PGGT1B: variants seen among roughly 807,000 people sequenced by gnomAD.
PGGT1B encodes the protein protein geranylgeranyltransferase type I subunit beta.
PGGT1B carries 30 observed loss-of-function variants against 46.1 expected under a neutral mutation model. The ratio of observed to expected loss-of-function variants is 0.65; its 90% CI spans 0.49 to 0.88. The LOEUF (loss-of-function observed/expected upper bound fraction) is 0.88, where lower values mean the gene tolerates loss of function less well. Among genes scored for constraint, PGGT1B ranks in the 40% least tolerant of loss-of-function variants. The pLI is 0.00. For missense variants in PGGT1B, 376 were observed against 455.9 expected, an observed-to-expected ratio of 0.82 and a Z score of 1.60; for synonymous variants, 170 against 160.0, an observed-to-expected ratio of 1.06 and a Z score of -0.47.
At chr5:115,230,813 T>C (rs1042528304) in intron 6 of PGGT1B, among the ~76,000 whole-genome samples, 163 bp downstream of exon 6, 13 of 151,998 alleles carry the variant, frequency 8.6e-5, no homozygotes, top group Admixed American at 7.9e-4. Flanking sequence ...AGGCTTCAAA[T>C]AGACAAAATG....
chr5:115,256,645 G>A (rs951990263), intron 1 of PGGT1B, among the ~76,000 whole-genome samples: 2 of 152,168 alleles, frequency 1.3e-5, no homozygotes, highest in Non-Finnish European at 2.9e-5. Flanking sequence ...CTTTAAAATA[G>A]TCTGGGAAAC....
Position 115,206,734 on chromosome 5 carries a change from T to C in PGGT1B, c.*5668A>G, listed in dbSNP as rs1756077428. The C allele has an allele frequency of 6.6e-6, 1 of 151,990 alleles. No individual in the cohort carries two copies. The highest frequency in any genetic ancestry group is 6.6e-5 in the Admixed American group (1 of 15,240). 9.4% of individuals were successfully genotyped at this position (151,990 alleles called of 1,614,324 possible). A position where few individuals can be genotyped will look rare whatever the true frequency, so the allele number is the denominator to read the frequency against. The stretch of plus-strand genomic sequence containing the variant: ...AAATGTATCATTGCCTATTTGCATG[T>C]TTCTTTATGCTAAATCTATAGATAG... On this transcript the variant is annotated 3_prime_UTR_variant, in exon 9 of 9. Coordinates refer to ENST00000419445, the MANE Select transcript of PGGT1B (RefSeq NM_005023.4).
intron 4 of PGGT1B, among the ~76,000 whole-genome samples, chr5:115,237,618 C>G (rs951624639): frequency 1.3e-5 from 2 of 151,986 alleles, no homozygotes; most frequent in Non-Finnish European, 1.5e-5. Context: ...TATTTATGTA[C>G]CCATTGTTAT....
rs796413907 is a variant in PGGT1B, at chr5:115,207,572, T to A, written c.*4830A>T. 8 of 152,150 alleles carry A rather than the reference T, an allele frequency of 5.3e-5. No homozygotes were observed. The highest frequency in any genetic ancestry group is 1.9e-4 in the African/African-American group (8 of 41,546). 9.4% of individuals were successfully genotyped at this position (152,150 alleles called of 1,614,324 possible). ...ACATAGATGCTGTCTGTTTTGAACT[T>A]CACCGAAATGGAATCAAAGTATGCA... is the stretch of plus-strand genomic sequence containing the variant. On this transcript the variant is annotated 3_prime_UTR_variant, in exon 9 of 9. Coordinates refer to ENST00000419445, the MANE Select transcript of PGGT1B (RefSeq NM_005023.4).
chr5:115,209,311 C>G lies in PGGT1B; in HGVS notation c.*3091G>C, dbSNP rs992476350. The G allele has an allele frequency of 1.3e-5, 2 of 152,192 alleles. No individual in the cohort carries two copies. The highest frequency in any genetic ancestry group is 2.9e-5 in the Non-Finnish European group (2 of 67,998). The allele number at this position is 152,192 out of a possible 1,614,324, so 9.4% of individuals were successfully genotyped here. On this transcript the variant is annotated 3_prime_UTR_variant, in exon 9 of 9. Coordinates refer to ENST00000419445, the MANE Select transcript of PGGT1B (RefSeq NM_005023.4). Reference sequence around the variant, plus strand: ...AGAGGTACACAGCGTAAAACCCAGACAGCTCTAATGCAATCAGCAGACCTT... The same window carrying G: ...AGAGGTACACAGCGTAAAACCCAGAGAGCTCTAATGCAATCAGCAGACCTT...
chr5:115,241,380 T>C (rs1026350248), intron 3 of PGGT1B, among the ~76,000 whole-genome samples, 159 bp downstream of exon 3: 2 of 152,142 alleles, frequency 1.3e-5, no homozygotes, highest in Admixed American at 6.5e-5. Flanking sequence ...TAGGTTTCCT[T>C]TAAAGGATTT....
intron 2 of PGGT1B, among the ~76,000 whole-genome samples, chr5:115,247,295 A>G (rs1478883014): frequency 6.6e-6 from 1 of 152,188 alleles, no homozygotes; most frequent in Non-Finnish European, 1.5e-5. Flanking sequence ...ATAAAAAGCA[A>G]TAAACTGTAT....
chr5:115,244,351 G>A (rs890347081), intron 2 of PGGT1B, among the ~76,000 whole-genome samples: 23 of 149,964 alleles, frequency 1.5e-4, no homozygotes, highest in African/African-American at 5.6e-4. Flanking sequence ...TGTAGTCCCA[G>A]CTACTCGGGA....
At chr5:115,244,397 G>A (rs148557690) in intron 2 of PGGT1B, among the ~76,000 whole-genome samples, 10,412 of 141,968 alleles carry the variant, frequency 0.073, 589 homozygotes, top group East Asian at 0.31. Context: ...CCCGGGAGGC[G>A]GAGCTTGCAG....
At chr5:115,228,569 GA>G (rs2127002417) in intron 6 of PGGT1B, among the ~76,000 whole-genome samples, 1 of 152,234 alleles carries the variant, frequency 6.6e-6, no homozygotes, top group South Asian at 2.1e-4. Flanking sequence ...AGATCTGAAG[GA>G]TGTGAAAGAA....
chr5:115,251,001 C>A (rs1307257325), intron 2 of PGGT1B, among the ~76,000 whole-genome samples: 4 of 152,094 alleles, frequency 2.6e-5, no homozygotes, highest in South Asian at 2.1e-4. Context: ...TATCCTTTAT[C>A]CATTATACTG....
chr5:115,234,060 T>C (rs934526150), intron 5 of PGGT1B, among the ~76,000 whole-genome samples: 1 of 151,758 alleles, frequency 6.6e-6, no homozygotes. Flanking sequence ...AAAAAAACCA[T>C]GGTACATCTG....
chr5:115,234,182 C>G (rs947086556), intron 5 of PGGT1B, among the ~76,000 whole-genome samples: 2 of 142,798 alleles, frequency 1.4e-5, no homozygotes, highest in African/African-American at 5.2e-5. Flanking sequence ...TTTTTTCTCC[C>G]AAGCTATATT....
At chr5:115,254,713 A>C (rs898289125) in intron 1 of PGGT1B, among the ~76,000 whole-genome samples, 7 of 152,166 alleles carry the variant, frequency 4.6e-5, no homozygotes, top group Non-Finnish European at 7.4e-5. Flanking sequence ...TTCCAACCAA[A>C]GCTTAAGGGC....
intron 6 of PGGT1B, among the ~76,000 whole-genome samples, chr5:115,228,237 C>A (rs1312102993): frequency 6.6e-6 from 1 of 152,082 alleles, no homozygotes; most frequent in Non-Finnish European, 1.5e-5. Context: ...TTTTGGGTGC[C>A]ATCAACACAG....
intron 8 of PGGT1B, among the ~76,000 whole-genome samples, chr5:115,215,515 C>T (rs1202776030): frequency 6.6e-6 from 1 of 152,088 alleles, no homozygotes; most frequent in Non-Finnish European, 1.5e-5. Context: ...CCAGGCTAGT[C>T]TCAAACTCCT....
At chr5:115,228,096 TGAAGAGGA>T (rs1184217667) in intron 6 of PGGT1B, among the ~76,000 whole-genome samples, 3 of 152,168 alleles carry the variant, frequency 2.0e-5, no homozygotes, top group Non-Finnish European at 4.4e-5. Context: ...ATCAACAGGC[TGAAGAGGA>T]GAATGACAGT....
At chr5:115,250,409 C>G (rs959632534) in intron 2 of PGGT1B, among the ~76,000 whole-genome samples, 1 of 152,126 alleles carries the variant, frequency 6.6e-6, no homozygotes, top group Admixed American at 6.6e-5. Flanking sequence ...ACTACTGATA[C>G]ACAATAAGCA....
At chr5:115,229,173 G>T (rs1756896449) in intron 6 of PGGT1B, among the ~76,000 whole-genome samples, 1 of 152,062 alleles carries the variant, frequency 6.6e-6, no homozygotes, top group African/African-American at 2.4e-5. Context: ...AGCACACAAA[G>T]AAAATTATAA....
Sources: allele counts gnomAD v4.1 joint callset (sites outside exome capture counted in the v4.1 genomes callset), GRCh38; gene constraint gnomAD v4.1.1; transcripts MANE v1.5; gene names NCBI Gene and HGNC (gene_info 2026-07-23, HGNC 2026-07-21).